The following JPH1 variants were observed in gnomAD, a reference collection of about 807,000 sequenced individuals.
The protein encoded by JPH1 is junctophilin 1.
JPH1 carries 12 observed loss-of-function variants against 53.6 expected under a neutral mutation model. That is an observed-to-expected ratio of 0.22 (90% CI 0.14 to 0.36). JPH1 has a LOEUF of 0.36. Ranked by LOEUF, JPH1 falls within the 10% of genes least tolerant of loss-of-function variation. The pLI is 1.00. For missense variants in JPH1, 808 were observed against 905.5 expected (o/e 0.89, Z 1.38); for synonymous variants, 375 against 363.8 (o/e 1.03, Z -0.35).
intron 2 of JPH1, among the ~76,000 whole-genome samples, chr8:74,273,118 T>G (rs1806753411): frequency 6.6e-6 from 1 of 152,198 alleles, no homozygotes; most frequent in African/African-American, 2.4e-5. Context: ...TAGAAGAAAC[T>G]ATCAATTTAA....
intron 2 of JPH1, among the ~76,000 whole-genome samples, chr8:74,291,698 T>C (rs543458377): frequency 7.9e-5 from 12 of 152,218 alleles, no homozygotes; most frequent in East Asian, 1.9e-4. Flanking sequence ...TGTGGTACTA[T>C]TGACAATAGC....
At chr8:74,246,082 C>T (rs563699023) in intron 3 of JPH1, among the ~76,000 whole-genome samples, 40 of 152,206 alleles carry the variant, frequency 2.6e-4, no homozygotes, top group African/African-American at 8.7e-4. Flanking sequence ...ACTTCTAGGG[C>T]CTTCAGCTCT....
chr8:74,299,061 G>A (rs73343355), intron 2 of JPH1, among the ~76,000 whole-genome samples: 2 of 152,074 alleles, frequency 1.3e-5, no homozygotes, highest in African/African-American at 4.8e-5. Context: ...CTTTGAGGGG[G>A]TTTTTTTCTC....
rs145464761 is a variant in JPH1, at chr8:74,244,867, C to T, written c.1567G>A (p.Ala523Thr). The change falls in exon 4 of 6, where the codon GCA (alanine) becomes ACA (threonine). Residue 523 changes from alanine to threonine, a missense_variant. By Grantham distance (58) the Ala-to-Thr change is moderately conservative. Coordinates refer to ENST00000342232, the MANE Select transcript of JPH1 (RefSeq NM_020647.4). ...PLMSKAPTKEAGAVVPQSKYS... is the reference protein window; with the variant it reads ...PLMSKAPTKETGAVVPQSKYS... ...TTGGACTGGGGCACAACCGCTCCTG[C>T]CTCCTTCGTGGGAGCCTTTGACATC... 1.9e-6 allele frequency: 3 copies of T among 1,614,198 alleles called. No homozygotes were observed. Among genetic ancestry groups the T allele is most frequent in the Non-Finnish European group, 2.5e-6 (3 of 1,180,028 alleles).
At chr8:74,274,421 C>T (rs1348025710) in intron 2 of JPH1, among the ~76,000 whole-genome samples, 4 of 152,188 alleles carry the variant, frequency 2.6e-5, no homozygotes, top group Non-Finnish European at 5.9e-5. Flanking sequence ...AGGTATAATA[C>T]ATTTACTGAG....
intron 3 of JPH1, among the ~76,000 whole-genome samples, chr8:74,254,973 G>A (rs2131388247): frequency 6.6e-6 from 1 of 152,276 alleles, no homozygotes; most frequent in East Asian, 1.9e-4. Context: ...TACTGCCCAA[G>A]GTAATTTATA....
intron 2 of JPH1, among the ~76,000 whole-genome samples, chr8:74,285,667 T>C (rs1303375271): frequency 1.3e-5 from 2 of 152,238 alleles, no homozygotes; most frequent in Non-Finnish European, 2.9e-5. Flanking sequence ...AATTAATGTG[T>C]CTGATTACTT....
rs180919122 is a variant in JPH1 at position 74,234,877 on chromosome 8, G to A, written c.*2174C>T. On this transcript the variant is annotated 3_prime_UTR_variant, in exon 6 of 6. Transcript: ENST00000342232. Reference sequence around the variant, plus strand: ...TATTAAGTACATTGGCAGACTTCATGTGCTGTCCAAAATGTTGAGTACAGT... The same window carrying A: ...TATTAAGTACATTGGCAGACTTCATATGCTGTCCAAAATGTTGAGTACAGT... 6.5e-6 allele frequency: 1 copy of A among 152,702 alleles called. No homozygotes were observed. Among genetic ancestry groups the A allele is most frequent in the East Asian group, 1.9e-4 (1 of 5,184 alleles). 9.5% of individuals were successfully genotyped at this position (152,702 alleles called of 1,614,324 possible).
chr8:74,244,672 T>C lies in JPH1; in HGVS notation c.1762A>G (p.Lys588Glu). ...GTCACAGATTTGGAGGGACTCCACT[T>C]GTTAGCGGATGGCTTGTGCACCAGT... is the stretch of plus-strand genomic sequence containing the variant. ...SALVHKPSAN[K>E]WSPSKSVTKP... Residue 588 changes from lysine (K) to glutamate (E), a missense_variant, in exon 4 of 6, where the codon AAG becomes GAG. Transcript: ENST00000342232. The C allele has an allele frequency of 6.2e-7, 1 of 1,614,188 alleles. No homozygotes were observed. The highest frequency in any genetic ancestry group is 8.5e-7 in the Non-Finnish European group (1 of 1,180,032).
intron 2 of JPH1, among the ~76,000 whole-genome samples, chr8:74,277,021 A>G (rs1455389974): frequency 6.6e-6 from 1 of 152,232 alleles, no homozygotes; most frequent in Non-Finnish European, 1.5e-5. Context: ...ACTTAAAGAT[A>G]AAAAACTTAC....
intron 2 of JPH1, among the ~76,000 whole-genome samples, chr8:74,313,595 T>C (rs1433165056): frequency 6.6e-6 from 1 of 151,576 alleles, no homozygotes; most frequent in Non-Finnish European, 1.5e-5. Context: ...TTGAACCATA[T>C]GATGTCACCA....
At chr8:74,296,474 T>C (rs1807525712) in intron 2 of JPH1, among the ~76,000 whole-genome samples, 1 of 152,230 alleles carries the variant, frequency 6.6e-6, no homozygotes, top group Non-Finnish European at 1.5e-5. Context: ...GTTCAGTATT[T>C]ATTCAGGCTT....
At chr8:74,300,250 C>G (rs183107449) in intron 2 of JPH1, among the ~76,000 whole-genome samples, 1 of 152,290 alleles carries the variant, frequency 6.6e-6, no homozygotes. Context: ...AGAAGACTAG[C>G]CATTTTGACG....
At chr8:74,251,554 T>C (rs1044976287) in intron 3 of JPH1, among the ~76,000 whole-genome samples, 1 of 152,218 alleles carries the variant, frequency 6.6e-6, no homozygotes, top group Non-Finnish European at 1.5e-5. Context: ...TTATTAGAGC[T>C]TAACCCTTTG....
intron 4 of JPH1, 59 bp downstream of exon 4, chr8:74,244,470 A>C: frequency 2.1e-5 from 32 of 1,494,768 alleles, no homozygotes; most frequent in African/African-American, 2.8e-5. Flanking sequence ...CACCCCACAC[A>C]GCTCGCTGAA....
chr8:74,283,590 A>G (rs143129081), intron 2 of JPH1, among the ~76,000 whole-genome samples: 2 of 152,334 alleles, frequency 1.3e-5, no homozygotes, highest in African/African-American at 4.8e-5. Context: ...AATACAAGTT[A>G]TGAATCTAAC....
intron 3 of JPH1, among the ~76,000 whole-genome samples, chr8:74,255,076 T>A (rs1481932711): frequency 2.0e-5 from 3 of 152,112 alleles, no homozygotes; most frequent in Non-Finnish European, 4.4e-5. Flanking sequence ...AAAAAGAGCC[T>A]GCATTGCCAA....
In JPH1 at chr8:74,320,835, C is replaced by G. The variant is rs529168397; in HGVS notation, c.379+74G>C. The G allele has an allele frequency of 8.5e-6, 12 of 1,416,384 alleles. No homozygotes were observed. The highest frequency in any genetic ancestry group is 3.0e-5 in the Admixed American group (1 of 32,794). The allele number at this position is 1,416,384 out of a possible 1,614,324, so 87.7% of individuals were successfully genotyped here. On this transcript the variant is annotated intron_variant, in intron 1 of 5. Transcript: ENST00000342232. This position sits in a 1 kb window ranked among gnomAD's most constrained non-coding sequence, Gnocchi z 4.4. ...GGACACGTGCGCCCGGCGTCCTCCC[C>G]GCTTCCCCGCAGCCGGGGCAGAGCC...
In JPH1 at chr8:74,310,311, G is replaced by A. The variant is rs185519628; in HGVS notation, c.1139+4550C>T. ...CTTAAAAAAAAAAAAAAAAGGTTGA[G>A]ACCCTTTCTCAATCCCAGATGGTGA... On this transcript the variant is annotated intron_variant, in intron 2 of 5. Coordinates refer to ENST00000342232, the MANE Select transcript of JPH1 (RefSeq NM_020647.4). Among the ~76,000 whole-genome samples, 3 of 151,056 alleles carry A rather than the reference G, an allele frequency of 2.0e-5. No individual in the cohort carries two copies. The East Asian group carries it at 5.8e-4, about 29-fold the overall frequency.
Sources: gnomAD v4.1 joint callset for allele counts (sites outside exome capture counted in the v4.1 genomes callset) on GRCh38, gnomAD v4.1.1 for gene constraint, Gnocchi (gnomAD v3.1) non-coding constraint, MANE v1.5 for transcripts, NCBI Gene and HGNC (gene_info 2026-07-23, HGNC 2026-07-21) for gene names.